Variants in R3HDM1 observed in about 807,000 individuals in gnomAD.
R3HDM1 encodes the protein R3H domain-containing protein 1.
In R3HDM1, 46 loss-of-function variants were observed where a neutral mutation model predicts 141.1. The observed-to-expected ratio is 0.33, with a 90% CI of 0.26 to 0.42. The LOEUF (loss-of-function observed/expected upper bound fraction) is 0.42. Ranked by LOEUF, R3HDM1 falls within the 10% of genes least tolerant of loss-of-function variation. The pLI, the probability that R3HDM1 is intolerant of heterozygous loss-of-function variation, is 1.00. For missense variants in R3HDM1, 1,184 were observed against 1,368.3 expected, an observed-to-expected ratio of 0.87 and a Z score of 2.12; for synonymous variants, 435 against 472.9, an observed-to-expected ratio of 0.92 and a Z score of 1.04.
At chr2:135,659,758 A>G (rs1296298625) in intron 18 of R3HDM1, among the ~76,000 whole-genome samples, 1 of 152,182 alleles carries the variant, frequency 6.6e-6, no homozygotes, top group Non-Finnish European at 1.5e-5. Context: ...ACATTCTGAA[A>G]TAATAGTTAA....
chr2:135,577,267 C>A, intron 1 of R3HDM1: 2 of 949,860 alleles, frequency 2.1e-6, no homozygotes, highest in Non-Finnish European at 2.5e-6. Context: ...AAGTCAAAAA[C>A]ACAAGCTGAC....
intron 18 of R3HDM1, among the ~76,000 whole-genome samples, chr2:135,659,421 A>G (rs1221499759): frequency 1.3e-5 from 2 of 151,542 alleles, no homozygotes; most frequent in Non-Finnish European, 2.9e-5. Flanking sequence ...GCAGTTTTTA[A>G]TAAGTAGCAG....
Position 135,721,912 on chromosome 2 carries a change from A to C in R3HDM1, c.2882-12A>C, listed in dbSNP as rs1350604476. 3.7e-6 allele frequency: 6 copies of C among 1,607,786 alleles called. No homozygotes were observed. Among genetic ancestry groups the C allele is most frequent in the Non-Finnish European group, 5.1e-6 (6 of 1,174,722 alleles). ...CTCTGGCAATAAAATAAAATATTTTATTGACTTTCAGGAGATTCCAGGTAT... is the reference window on the plus strand; with the variant it reads ...CTCTGGCAATAAAATAAAATATTTTCTTGACTTTCAGGAGATTCCAGGTAT... On this transcript the variant is annotated splice_polypyrimidine_tract_variant and intron_variant, in intron 24 of 26. Transcript: ENST00000683871.
intron 23 of R3HDM1, among the ~76,000 whole-genome samples, chr2:135,712,717 C>T (rs1263743563): frequency 1.3e-5 from 2 of 151,258 alleles, no homozygotes; most frequent in African/African-American, 2.4e-5. Flanking sequence ...ATCAGGAGAT[C>T]GAGACCATCC....
intron 1 of R3HDM1, among the ~76,000 whole-genome samples, chr2:135,594,086 G>A (rs1011273606): frequency 2.0e-5 from 3 of 152,142 alleles, no homozygotes; most frequent in East Asian, 3.9e-4. Context: ...CCATTCACCC[G>A]CTTCTGTGGT....
intron 1 of R3HDM1, among the ~76,000 whole-genome samples, chr2:135,572,078 CT>C (rs1704246277): frequency 6.6e-6 from 1 of 152,186 alleles, no homozygotes; most frequent in Non-Finnish European, 1.5e-5. Flanking sequence ...GCCTTGGCTT[CT>C]CCCAGGTGGC....
chr2:135,551,174 C>T (rs1043024939), intron 1 of R3HDM1, among the ~76,000 whole-genome samples: 9 of 152,162 alleles, frequency 5.9e-5, no homozygotes, highest in African/African-American at 9.7e-5. Context: ...GCCATTCTAT[C>T]GTTAACACTT....
chr2:135,654,975 T>C (rs2065647597), intron 18 of R3HDM1, among the ~76,000 whole-genome samples: 1 of 152,102 alleles, frequency 6.6e-6, no homozygotes. Flanking sequence ...ATAAGTGATA[T>C]GCAATTATTT....
rs771033103 is a variant in R3HDM1, at chr2:135,715,534, C to T, written c.2737-16C>T. 19 of 1,605,402 alleles carry T rather than the reference C, an allele frequency of 1.2e-5. No individual in the cohort carries two copies. The Admixed American group carries it at 1.2e-4, about 10-fold the overall frequency. ...CCAAAATGCTGACCCATTTTCTTGA[C>T]GTATTGTAATTGCAGCACAGCCCTC... On this transcript the variant is annotated splice_polypyrimidine_tract_variant and intron_variant, in intron 23 of 26. Transcript: ENST00000683871.
intron 21 of R3HDM1, 133 bp from the exon 22 acceptor site, chr2:135,709,300 C>T: frequency 8.3e-7 from 1 of 1,199,654 alleles, no homozygotes; most frequent in Non-Finnish European, 1.1e-6. Flanking sequence ...TTCTCGATCT[C>T]CTGACCTCGT....
At chr2:135,548,677 G>A (rs925921269) in intron 1 of R3HDM1, among the ~76,000 whole-genome samples, 9 of 151,648 alleles carry the variant, frequency 5.9e-5, no homozygotes, top group African/African-American at 2.2e-4. Flanking sequence ...AAATGATACA[G>A]TATATACTCT....
intron 23 of R3HDM1, among the ~76,000 whole-genome samples, chr2:135,712,915 C>G (rs911381119): frequency 6.6e-6 from 1 of 150,880 alleles, no homozygotes; most frequent in Non-Finnish European, 1.5e-5. Flanking sequence ...AGCAAGACTC[C>G]GTCTCAAAAA....
chr2:135,654,442 G>GTTT (rs921418630), intron 18 of R3HDM1, among the ~76,000 whole-genome samples: 1 of 151,160 alleles, frequency 6.6e-6, no homozygotes, highest in African/African-American at 2.4e-5. Context: ...TGTTGTTGTT[G>GTTT]TTGTTGTTGT....
At chr2:135,686,124 C>T (rs1360349050) in intron 21 of R3HDM1, among the ~76,000 whole-genome samples, 6 of 152,040 alleles carry the variant, frequency 3.9e-5, no homozygotes, top group African/African-American at 1.4e-4. Context: ...TGAGATATCA[C>T]CTCACACCTG....
At chr2:135,711,053 TG>T (rs751515456) in intron 23 of R3HDM1, among the ~76,000 whole-genome samples, 17 of 152,194 alleles carry the variant, frequency 1.1e-4, no homozygotes, top group Admixed American at 7.2e-4. Flanking sequence ...TCACTAAAAG[TG>T]GGCCAGCCAA....
chr2:135,591,926 T>G (rs566973904), intron 1 of R3HDM1, among the ~76,000 whole-genome samples: 3 of 152,338 alleles, frequency 2.0e-5, no homozygotes, highest in African/African-American at 7.2e-5. Flanking sequence ...GTATTGTCTT[T>G]CCTGCACATT....
chr2:135,595,308 C>G (rs955989472), intron 1 of R3HDM1, among the ~76,000 whole-genome samples: 1 of 152,182 alleles, frequency 6.6e-6, no homozygotes, highest in African/African-American at 2.4e-5. Flanking sequence ...CAGCCCTTAC[C>G]TTTTCCCTGA....
chr2:135,532,713 CAA>C (rs1355045503), intron 1 of R3HDM1, among the ~76,000 whole-genome samples: 1 of 152,066 alleles, frequency 6.6e-6, no homozygotes, highest in African/African-American at 2.4e-5. Flanking sequence ...ATATGTGAAA[CAA>C]GATCTTCTAA....
At chr2:135,612,009 C>T (rs368958051) in intron 3 of R3HDM1, among the ~76,000 whole-genome samples, 1 of 152,142 alleles carries the variant, frequency 6.6e-6, no homozygotes, top group Admixed American at 6.5e-5. Flanking sequence ...ACATACTTTT[C>T]GTTAGAATCT....
Sources: gnomAD v4.1 joint callset for allele counts (sites outside exome capture counted in the v4.1 genomes callset) on GRCh38, gnomAD v4.1.1 for gene constraint, MANE v1.5 for transcripts, NCBI Gene and HGNC (gene_info 2026-07-23, HGNC 2026-07-21) for gene names.